SAAL1: variants seen among roughly 807,000 people sequenced by gnomAD.
SAAL1 encodes protein SAAL1.
In SAAL1, 42 loss-of-function variants were observed where a neutral mutation model predicts 59.8. The ratio of observed to expected loss-of-function variants is 0.70; its 90% confidence interval spans 0.55 to 0.91. SAAL1 has a LOEUF of 0.91. SAAL1 is among the 40% of genes least tolerant of loss of function. The pLI is 0.00. For missense variants in SAAL1, 542 were observed against 561.1 expected (o/e 0.97, Z 0.34); for synonymous variants, 191 against 194.3 (o/e 0.98, Z 0.14).
chr11:18,103,391 A>G (rs779450846), intron 1 of SAAL1, 45 bp from the exon 2 acceptor site: 1 of 1,384,176 alleles, frequency 7.2e-7, no homozygotes, highest in Non-Finnish European at 1.0e-6. Context: ...AGTTGTCTAC[A>G]ATACTAACCA....
chr11:18,103,564 A>G (rs962550863), intron 1 of SAAL1, among the ~76,000 whole-genome samples: 3 of 152,052 alleles, frequency 2.0e-5, no homozygotes, highest in East Asian at 1.9e-4. Flanking sequence ...ACATCCCCCA[A>G]ATTTGCACAT....
rs766971642 is a variant in SAAL1, at chr11:18,106,033, G to A, written c.9C>T (p.Arg3=). 5.0e-6 allele frequency: 8 copies of A among 1,604,998 alleles called. No individual in the cohort carries two copies. In the East Asian group the frequency reaches 6.7e-5, roughly 13 times the overall value. ...GACCCGGCGGCGGCGGCGAGGGGTT[G>A]CGGTCCATGACTTTGTCGCGTCCCG... MD[R]NPSPPPPGRD... is the part of the protein sequence containing the mutation. The change falls in exon 1 of 12, where the codon CGC becomes CGT. Residue 3 remains arginine, a synonymous_variant. Transcript: ENST00000524803.
intron 9 of SAAL1, 100 bp from the exon 10 acceptor site, chr11:18,083,831 CAG>C (rs1564869423): frequency 3.1e-6 from 2 of 638,464 alleles, no homozygotes; most frequent in Non-Finnish European, 5.1e-6. Flanking sequence ...TTGGGTATTA[CAG>C]ATACACTGGT....
chr11:18,106,081 C>G lies in SAAL1; in HGVS notation c.-40G>C, dbSNP rs1204297687. 6.4e-7 allele frequency: 1 copy of G among 1,567,850 alleles called. No individual in the cohort carries two copies. The highest frequency in any genetic ancestry group is 1.2e-5 in the South Asian group (1 of 85,358). ...CCGCGCTTGAAGGCCGTGCCGGAAG[C>G]TGCGGAGGAGACGACCGGCGCCCTA... On this transcript the variant is annotated 5_prime_UTR_variant, in exon 1 of 12. Coordinates refer to ENST00000524803, the MANE Select transcript of SAAL1 (RefSeq NM_138421.3).
chr11:18,081,641 C>T, intron 10 of SAAL1, 138 bp from the exon 11 acceptor site: 1 of 653,850 alleles, frequency 1.5e-6, no homozygotes, highest in Non-Finnish European at 2.7e-6. Flanking sequence ...CCACCAACAT[C>T]AAGGAGGCTT....
In SAAL1 at chr11:18,080,355, A is replaced by G; in HGVS notation, c.*44T>C. On this transcript the variant is annotated 3_prime_UTR_variant, in exon 12 of 12. Transcript: ENST00000524803. The stretch of plus-strand genomic sequence containing the variant: ...AGTCAATTTCAACTGTCAGTGAGAA[A>G]AATAAAGTTTATTTCTTGTACAGAA... 1 of 1,248,730 alleles carries G rather than the reference A, an allele frequency of 8.0e-7. No individual in the cohort carries two copies. Among genetic ancestry groups the G allele is most frequent in the Non-Finnish European group, 1.1e-6 (1 of 879,086 alleles). The allele number at this position is 1,248,730 out of a possible 1,614,324, so 77.4% of individuals were successfully genotyped here.
chr11:18,081,150 TC>T (rs1848405941), intron 11 of SAAL1, among the ~76,000 whole-genome samples: 1 of 152,072 alleles, frequency 6.6e-6, no homozygotes. Flanking sequence ...CCTCTCTCCC[TC>T]CCCTCCTCCT....
At chr11:18,103,014 A>G (rs908150917) in intron 2 of SAAL1, among the ~76,000 whole-genome samples, 1 of 152,180 alleles carries the variant, frequency 6.6e-6, no homozygotes, top group Non-Finnish European at 1.5e-5. Context: ...AGAGCTACGT[A>G]TTTAGTCCGA....
At position 18,096,734 on chromosome 11, in the gene SAAL1, C is replaced by T. The variant is rs749945684; in HGVS notation, c.333+37G>A. 5.7e-6 allele frequency: 6 copies of T among 1,058,604 alleles called. No individual in the cohort carries two copies. In the Admixed American group the frequency reaches 1.0e-4, roughly 18 times the overall value. 65.6% of individuals were successfully genotyped at this position (1,058,604 alleles called of 1,614,324 possible). A position where few individuals can be genotyped will look rare whatever the true frequency, so the allele number is the denominator to read the frequency against. ...TATCCAGCACTATCTGTTCTTATTG[C>T]TTCAAAGAAGAAGGCTTTAGAAATG... is the stretch of plus-strand genomic sequence containing the variant. On this transcript the variant is annotated intron_variant, in intron 3 of 11. Transcript: ENST00000524803.
At position 18,081,395 on chromosome 11, in the gene SAAL1, A is replaced by G. The variant is rs751948643; in HGVS notation, c.1332+16T>C. 3 of 1,593,250 alleles carry G rather than the reference A, an allele frequency of 1.9e-6. No individual in the cohort carries two copies. In the African/African-American group the frequency reaches 4.0e-5, roughly 21 times the overall value. On this transcript the variant is annotated intron_variant, in intron 11 of 11. Coordinates refer to ENST00000524803, the MANE Select transcript of SAAL1 (RefSeq NM_138421.3). ...CTACAAAACTTGGCCACCTATATACATTTACCCATACTCACCACAGGGCTA... is the reference window on the plus strand; with the variant it reads ...CTACAAAACTTGGCCACCTATATACGTTTACCCATACTCACCACAGGGCTA...
intron 4 of SAAL1, among the ~76,000 whole-genome samples, 154 bp downstream of exon 4, chr11:18,092,084 AAGCCCCT>A: frequency 6.6e-6 from 1 of 152,186 alleles, no homozygotes; most frequent in Non-Finnish European, 1.5e-5. Context: ...TCTCCTGAAG[AAGCCCCT>A]AGCTATCATC....
chr11:18,091,290 T>C (rs1848521161), intron 4 of SAAL1, among the ~76,000 whole-genome samples: 2 of 152,210 alleles, frequency 1.3e-5, no homozygotes, highest in African/African-American at 4.8e-5. Flanking sequence ...CCATCAGCAA[T>C]ATAAATTGCA....
intron 9 of SAAL1, among the ~76,000 whole-genome samples, chr11:18,086,102 A>G (rs1429263832): frequency 2.0e-5 from 3 of 152,180 alleles, no homozygotes; most frequent in African/African-American, 7.2e-5. Context: ...TGTTTCCTTG[A>G]TATTTTTTAT....
chr11:18,097,317 A>C (rs1240895054), intron 2 of SAAL1, among the ~76,000 whole-genome samples: 1 of 152,196 alleles, frequency 6.6e-6, no homozygotes, highest in Non-Finnish European at 1.5e-5. Context: ...CTGTGTCAAC[A>C]GACAAAAGTG....
chr11:18,103,178 T>A (rs1848651573), intron 2 of SAAL1, 55 bp downstream of exon 2: 1 of 1,191,406 alleles, frequency 8.4e-7, no homozygotes, highest in Admixed American at 1.7e-5. Flanking sequence ...TTTAAAACAT[T>A]CATTCACCAT....
intron 3 of SAAL1, among the ~76,000 whole-genome samples, chr11:18,095,147 AG>A (rs1848559666): frequency 1.3e-5 from 2 of 152,196 alleles, no homozygotes; most frequent in South Asian, 4.1e-4. Flanking sequence ...CTTAAGTTTG[AG>A]AGTCCCTGTC....
At position 18,089,321 on chromosome 11, in the gene SAAL1, C is replaced by T; in HGVS notation, c.770+9G>A. ...TCCCAGAACATTTTACACAAAAGAG[C>T]TCACCTACCGTACTTGTTTGGCAGC... On this transcript the variant is annotated intron_variant, in intron 7 of 11. Transcript: ENST00000524803. 4 of 1,532,786 alleles carry T rather than the reference C, an allele frequency of 2.6e-6. No individual in the cohort carries two copies. Among genetic ancestry groups the T allele is most frequent in the Non-Finnish European group, 3.5e-6 (4 of 1,147,128 alleles). 94.9% of individuals were successfully genotyped at this position (1,532,786 alleles called of 1,614,324 possible). A position where few individuals can be genotyped will look rare whatever the true frequency, so the allele number is the denominator to read the frequency against.
At chr11:18,092,845 G>A (rs1848535712) in intron 3 of SAAL1, among the ~76,000 whole-genome samples, 1 of 152,138 alleles carries the variant, frequency 6.6e-6, no homozygotes, top group African/African-American at 2.4e-5. Flanking sequence ...TCAAGGAGGG[G>A]AGACAACATA....
intron 4 of SAAL1, chr11:18,090,816 G>T: frequency 5.2e-6 from 1 of 192,616 alleles, no homozygotes; most frequent in Non-Finnish European, 1.0e-5. Flanking sequence ...TATATATTTT[G>T]GTGTTGCTTT....
Sources: allele counts gnomAD v4.1 joint callset (sites outside exome capture counted in the v4.1 genomes callset), GRCh38; gene constraint gnomAD v4.1.1; transcripts MANE v1.5; gene names NCBI Gene and HGNC (gene_info 2026-07-23, HGNC 2026-07-21).